Variants in CCDC171 observed in about 807,000 individuals in gnomAD.
The protein encoded by CCDC171 is coiled-coil domain-containing protein 171.
CCDC171 carries 177 observed loss-of-function variants against 168.2 expected under a neutral mutation model. The ratio of observed to expected loss-of-function variants is 1.05; its 90% confidence interval spans 0.93 to 1.19. The LOEUF (loss-of-function observed/expected upper bound fraction) is 1.19. Ranked by LOEUF, CCDC171 falls within the 50% of genes most tolerant of loss-of-function variation. The pLI is 0.00. For synonymous variants in CCDC171, 687 were observed against 540.8 expected, an observed-to-expected ratio of 1.27 and a Z score of -3.75; for missense variants, 1,991 against 1,539.0, an observed-to-expected ratio of 1.29 and a Z score of -4.91.
At chr9:15,688,216 T>A in intron 10 of CCDC171, among the ~76,000 whole-genome samples, 1 of 151,804 alleles carries the variant, frequency 6.6e-6, no homozygotes, top group Admixed American at 6.6e-5. Context: ...CAAAAGAGAT[T>A]GAATTAGTAA....
At chr9:16,035,570 T>C (rs1426535175) in intron 7 of CCDC171, 1 of 152,226 alleles carries the variant, frequency 6.6e-6, no homozygotes, top group Non-Finnish European at 1.5e-5. Flanking sequence ...CAAGCATTTA[T>C]GATGATTTCT....
chr9:15,919,194 C>G (rs961971836), intron 24 of CCDC171, among the ~76,000 whole-genome samples: 1 of 151,532 alleles, frequency 6.6e-6, no homozygotes, highest in African/African-American at 2.4e-5. Context: ...TTTTTGAGGG[C>G]AAATAAGAAT....
At chr9:15,554,557 A>G (rs2038627761) in intron 1 of CCDC171, among the ~76,000 whole-genome samples, 1 of 152,116 alleles carries the variant, frequency 6.6e-6, no homozygotes, top group Non-Finnish European at 1.5e-5. Context: ...TAGGTTCTTT[A>G]TCTGTCAGAT....
chr9:15,774,613 T>C (rs2057206492), intron 18 of CCDC171, among the ~76,000 whole-genome samples: 1 of 152,152 alleles, frequency 6.6e-6, no homozygotes, highest in Admixed American at 6.5e-5. Flanking sequence ...ACATATCTAC[T>C]CAGAGGAAAA....
chr9:15,613,039 T>C (rs1263129406), intron 6 of CCDC171, among the ~76,000 whole-genome samples: 2 of 152,218 alleles, frequency 1.3e-5, no homozygotes, highest in African/African-American at 4.8e-5. Context: ...AATTTTTGTG[T>C]TGACATAGAT....
intron 8 of CCDC171, among the ~76,000 whole-genome samples, chr9:15,661,467 T>C (rs1351675422): frequency 6.6e-6 from 1 of 152,156 alleles, no homozygotes; most frequent in African/African-American, 2.4e-5. Context: ...ACTTATATGG[T>C]TTAAAATTAA....
chr9:15,738,620 A>G (rs1019612586), intron 16 of CCDC171, among the ~76,000 whole-genome samples: 4 of 148,140 alleles, frequency 2.7e-5, no homozygotes, highest in Non-Finnish European at 6.0e-5. Flanking sequence ...AAAACATTCG[A>G]TTTTTTTTTT....
chr9:15,796,720 A>G (rs2058574624), intron 21 of CCDC171, among the ~76,000 whole-genome samples: 1 of 151,908 alleles, frequency 6.6e-6, no homozygotes, highest in African/African-American at 2.4e-5. Context: ...CAAGAGGCAC[A>G]TTTGTGGAGT....
chr9:15,890,730 T>G, intron 24 of CCDC171, among the ~76,000 whole-genome samples: 1 of 152,310 alleles, frequency 6.6e-6, no homozygotes, highest in Middle Eastern at 3.4e-3. Context: ...GTGCAATTCT[T>G]TGTTTATTAA....
At position 15,973,185 on chromosome 9, in the gene CCDC171, A is replaced by G. The variant is rs1012382454; in HGVS notation, c.*1349A>G. 1 of 152,220 alleles carries G rather than the reference A, an allele frequency of 6.6e-6. No individual in the cohort carries two copies. Among genetic ancestry groups the G allele is most frequent in the Admixed American group, 6.5e-5 (1 of 15,272 alleles). 9.4% of individuals were successfully genotyped at this position (152,220 alleles called of 1,614,324 possible). ...ATTAATCATTTAACTCCCTAGTGCT[A>G]TTAACTTCTGATGTGAACTATAGCT... is the stretch of plus-strand genomic sequence containing the variant. On this transcript the variant is annotated 3_prime_UTR_variant, in exon 26 of 26. Transcript: ENST00000380701.
chr9:15,900,875 CT>C (rs1821539666), intron 24 of CCDC171, among the ~76,000 whole-genome samples: 1 of 152,164 alleles, frequency 6.6e-6, no homozygotes, highest in Admixed American at 6.5e-5. Context: ...TGCTGCCACC[CT>C]GCACAGCCCT....
At chr9:15,898,143 G>A (rs1193918530) in intron 24 of CCDC171, among the ~76,000 whole-genome samples, 2 of 152,170 alleles carry the variant, frequency 1.3e-5, no homozygotes, top group African/African-American at 4.8e-5. Context: ...TATAACCAGG[G>A]TCCAGGCAAA....
intron 24 of CCDC171, 149 bp from the exon 25 acceptor site, chr9:15,920,121 T>TAA (rs1280100893): frequency 2.2e-6 from 1 of 459,354 alleles, no homozygotes; most frequent in Non-Finnish European, 3.8e-6. Flanking sequence ...GTTCTCAATA[T>TAA]AAAATGTTAG....
chr9:15,711,531 A>G (rs1207707609), intron 11 of CCDC171, among the ~76,000 whole-genome samples: 1 of 152,228 alleles, frequency 6.6e-6, no homozygotes, highest in Non-Finnish European at 1.5e-5. Context: ...TAGAATATTA[A>G]GAATTATAAA....
At chr9:16,071,851 C>T in the CCDC171 span, among the ~76,000 whole-genome samples, 1 of 152,188 alleles carries the variant, frequency 6.6e-6, no homozygotes. Flanking sequence ...AGCCTCTTAC[C>T]TGGCTTTCTA....
intron 24 of CCDC171, among the ~76,000 whole-genome samples, chr9:15,892,294 A>T (rs1019763371): frequency 2.0e-5 from 3 of 152,152 alleles, no homozygotes; most frequent in African/African-American, 7.2e-5. Flanking sequence ...GTCAAGGGGA[A>T]TGCTTCCAGC....
chr9:16,077,027 A>G, the CCDC171 span, among the ~76,000 whole-genome samples: 1 of 152,236 alleles, frequency 6.6e-6, no homozygotes, highest in African/African-American at 2.4e-5. Flanking sequence ...GAACTCAACC[A>G]ACAATAATGC....
intron 7 of CCDC171, among the ~76,000 whole-genome samples, chr9:15,632,638 C>T (rs1412837314): frequency 6.6e-6 from 1 of 152,108 alleles, no homozygotes; most frequent in Non-Finnish European, 1.5e-5. Context: ...ATCAAGCTAC[C>T]AATGACTTTC....
At chr9:16,083,370 C>T in the CCDC171 span, among the ~76,000 whole-genome samples, 2 of 152,276 alleles carry the variant, frequency 1.3e-5, no homozygotes, top group African/African-American at 4.8e-5. Context: ...GACTTACACT[C>T]GTAGCTTCTG....
Sources: gnomAD v4.1 joint callset for allele counts (sites outside exome capture counted in the v4.1 genomes callset) on GRCh38, gnomAD v4.1.1 for gene constraint, MANE v1.5 for transcripts, NCBI Gene and HGNC (gene_info 2026-07-23, HGNC 2026-07-21) for gene names.